The following SOX5 variants were observed in gnomAD, a reference collection of about 807,000 sequenced individuals.
The protein encoded by SOX5 is transcription factor SOX-5.
A neutral mutation model predicts 92.0 loss-of-function variants in SOX5; 9 were observed. The observed-to-expected ratio is 0.10, with a 90% CI of 0.06 to 0.17. SOX5 has a LOEUF of 0.17. Among genes scored for constraint, SOX5 ranks in the 10% least tolerant of loss-of-function variants. The probability of loss-of-function intolerance (pLI) is 1.00; values close to 1 mark genes in which losing one functional copy is unlikely to be tolerated. For missense variants in SOX5, 642 were observed against 944.5 expected (o/e 0.68, Z 4.20); for synonymous variants, 344 against 336.3 (o/e 1.02, Z -0.25).
Position 23,532,314 on chromosome 12 carries a change from T to C in SOX5, c.*1905A>G, listed in dbSNP as rs1010317911. On this transcript the variant is annotated 3_prime_UTR_variant, in exon 15 of 15. Coordinates refer to ENST00000451604, the MANE Select transcript of SOX5 (RefSeq NM_006940.6). ...GAGAAAAATAAAAGGGATTCTTTTT[T>C]TATTTATATGTAAAAATCCAACTTT... The C allele has an allele frequency of 3.3e-5, 5 of 152,118 alleles. No individual in the cohort carries two copies. Among genetic ancestry groups the C allele is most frequent in the African/African-American group, 7.2e-5 (3 of 41,406 alleles). The allele number at this position is 152,118 out of a possible 1,614,324, so 9.4% of individuals were successfully genotyped here.
At chr12:24,401,574 G>A (rs1961619318) in intron 1 of SOX5, among the ~76,000 whole-genome samples, 1 of 151,472 alleles carries the variant, frequency 6.6e-6, no homozygotes, top group African/African-American at 2.4e-5. Context: ...ACCTTGCATG[G>A]TGGCATATGC....
Position 24,393,148 on chromosome 12 carries a change from A to T in SOX5, c.-250-24509T>A, listed in dbSNP as rs1959168421. Among the ~76,000 whole-genome samples the T allele has an allele frequency of 6.9e-6, 1 of 145,640 alleles. No individual in the cohort carries two copies. Among genetic ancestry groups the T allele is most frequent in the Non-Finnish European group, 1.5e-5 (1 of 67,548 alleles). On this transcript the variant is annotated intron_variant, in intron 1 of 4. Transcript: ENST00000446891. This position sits in a 1 kb window ranked among gnomAD's most constrained non-coding sequence, Gnocchi z 5.0. The stretch of plus-strand genomic sequence containing the variant: ...GTAGATTGAAGCTAAGAAAAAAAAT[A>T]CAGCAAAATTAGAAGCTGGCAAAAA...
At chr12:23,796,185 C>T (rs566308575) in intron 3 of SOX5, among the ~76,000 whole-genome samples, 1 of 152,210 alleles carries the variant, frequency 6.6e-6, no homozygotes, top group African/African-American at 2.4e-5. Context: ...CATTCAAAGT[C>T]CTTTTGCCTA....
intron 1 of SOX5, among the ~76,000 whole-genome samples, chr12:23,942,815 C>T (rs1943910817): frequency 6.6e-6 from 1 of 152,000 alleles, no homozygotes; most frequent in South Asian, 2.1e-4. Context: ...CCCCATGCAT[C>T]TCCACAATGA....
At chr12:24,319,856 C>T (rs1386051965) in intron 2 of SOX5, among the ~76,000 whole-genome samples, 1 of 152,162 alleles carries the variant, frequency 6.6e-6, no homozygotes, top group Admixed American at 6.5e-5. Flanking sequence ...AAGTTTATCC[C>T]TCAAACCTCA....
intron 4 of SOX5, among the ~76,000 whole-genome samples, chr12:24,086,787 A>T (rs183711487): frequency 2.0e-5 from 3 of 152,202 alleles, no homozygotes; most frequent in Admixed American, 2.0e-4. Flanking sequence ...GTCGTTACAT[A>T]TAAACCCACT....
At chr12:24,427,014 G>GT (rs1228974280) in intron 1 of SOX5, among the ~76,000 whole-genome samples, 1 of 152,058 alleles carries the variant, frequency 6.6e-6, no homozygotes. Context: ...ACTATTTATT[G>GT]TTTTTAAATG....
At position 24,084,630 on chromosome 12, in the gene SOX5, C is replaced by T. The variant is rs531073163; in HGVS notation, c.-2+128713G>A. Among the ~76,000 whole-genome samples the T allele has an allele frequency of 1.8e-4, 27 of 152,158 alleles. No individual in the cohort carries two copies. In the South Asian group the frequency reaches 1.9e-3, roughly 11 times the overall value. Reference sequence around the variant, plus strand: ...ACATGGCACATTTCAACAATTCAAACGTCCACTACCAGTTACAATAACTTT... The same window carrying T: ...ACATGGCACATTTCAACAATTCAAATGTCCACTACCAGTTACAATAACTTT... On this transcript the variant is annotated intron_variant, in intron 4 of 4. Coordinates refer to the SOX5 transcript ENST00000446891.
intron 2 of SOX5, among the ~76,000 whole-genome samples, chr12:24,342,153 A>G (rs1203081493): frequency 6.6e-6 from 1 of 152,186 alleles, no homozygotes; most frequent in Non-Finnish European, 1.5e-5. Flanking sequence ...AGTCATAAAC[A>G]ACATCAACAT....
intron 3 of SOX5, among the ~76,000 whole-genome samples, chr12:24,245,506 T>G (rs1279760858): frequency 6.6e-6 from 1 of 152,164 alleles, no homozygotes; most frequent in African/African-American, 2.4e-5. Context: ...GCCTATAACT[T>G]GATCTTAAAT....
intron 2 of SOX5, among the ~76,000 whole-genome samples, chr12:24,328,197 T>C (rs1448216462): frequency 6.6e-6 from 1 of 152,208 alleles, no homozygotes; most frequent in Non-Finnish European, 1.5e-5. Context: ...AAGGCAAAGA[T>C]CTATGCATGC....
chr12:24,191,112 C>T (rs1956482497), intron 4 of SOX5, among the ~76,000 whole-genome samples: 1 of 152,208 alleles, frequency 6.6e-6, no homozygotes, highest in Non-Finnish European at 1.5e-5. Flanking sequence ...GCTTTAAATT[C>T]TCCCTTTTCC....
chr12:24,289,995 C>G (rs1381818959), intron 2 of SOX5, among the ~76,000 whole-genome samples: 1 of 152,130 alleles, frequency 6.6e-6, no homozygotes, highest in African/African-American at 2.4e-5. Flanking sequence ...CTCAGAAAAC[C>G]GGTACAAACG....
intron 4 of SOX5, among the ~76,000 whole-genome samples, chr12:24,123,361 T>C (rs1413763589): frequency 6.6e-6 from 1 of 152,188 alleles, no homozygotes; most frequent in Non-Finnish European, 1.5e-5. Context: ...TAGAAAATCA[T>C]TTTCTTCTTT....
In SOX5 at chr12:23,672,064, G is replaced by GA. The variant is rs1404226708; in HGVS notation, c.811-6501dup. The stretch of plus-strand genomic sequence containing the variant: ...TACTAAGAGCTTGGCTGCCAAAGTG[G>GA]AAAAAAAAAGTAAAAAACAAAACAA... On this transcript the variant is annotated intron_variant, in intron 6 of 14. Coordinates refer to ENST00000451604, the MANE Select transcript of SOX5 (RefSeq NM_006940.6). 7.5e-5 allele frequency among the ~76,000 whole-genome samples: 11 copies of GA among 147,344 alleles called. No homozygotes were observed. The East Asian group carries it at 9.9e-4, about 13-fold the overall frequency.
At chr12:24,326,994 C>T (rs549346478) in intron 2 of SOX5, among the ~76,000 whole-genome samples, 1 of 152,264 alleles carries the variant, frequency 6.6e-6, no homozygotes, top group East Asian at 1.9e-4. Flanking sequence ...GCATTTGGCA[C>T]AGCGTCTCAG....
intron 2 of SOX5, among the ~76,000 whole-genome samples, chr12:23,871,336 G>A (rs2096870221): frequency 6.6e-6 from 1 of 152,060 alleles, no homozygotes; most frequent in African/African-American, 2.4e-5. Flanking sequence ...CTTTGTTTTG[G>A]TCTAGGCAGT....
At chr12:24,029,388 C>T (rs1224414750) in intron 4 of SOX5, among the ~76,000 whole-genome samples, 1 of 151,952 alleles carries the variant, frequency 6.6e-6, no homozygotes, top group African/African-American at 2.4e-5. Context: ...TGTTCTCCCA[C>T]CTCAGCCTCC....
intron 3 of SOX5, among the ~76,000 whole-genome samples, chr12:24,268,443 A>G (rs1943288571): frequency 6.6e-6 from 1 of 152,210 alleles, no homozygotes; most frequent in Non-Finnish European, 1.5e-5. Context: ...AGTCTTACTC[A>G]AGAGATTTAC....
Sources: gnomAD v4.1 joint callset for allele counts (sites outside exome capture counted in the v4.1 genomes callset) on GRCh38, gnomAD v4.1.1 for gene constraint, Gnocchi (gnomAD v3.1) non-coding constraint, MANE v1.5 for transcripts, NCBI Gene and HGNC (gene_info 2026-07-23, HGNC 2026-07-21) for gene names.